Variants in KAZN observed in about 807,000 individuals in gnomAD.
The protein encoded by KAZN is kazrin, periplakin interacting protein, also known as kazrin.
Under a neutral mutation model 87.4 loss-of-function variants are expected in KAZN, and 40 were observed. That is an observed-to-expected ratio of 0.46 (90% CI 0.36 to 0.60). The LOEUF is 0.60. Ranked by LOEUF, KAZN falls within the 20% of genes least tolerant of loss-of-function variation. The probability of loss-of-function intolerance (pLI) is 0.00; values close to 1 mark genes in which losing one functional copy is unlikely to be tolerated. For missense variants in KAZN, 898 were observed against 1,073.9 expected (o/e 0.84, Z 2.29); for synonymous variants, 466 against 458.3 (o/e 1.02, Z -0.22).
rs565569575 is a variant in KAZN, at chr1:14,138,700, G to A, written c.92-41735G>A. Among the ~76,000 whole-genome samples the A allele has an allele frequency of 9.9e-5, 15 of 152,268 alleles. No individual in the cohort carries two copies. The South Asian group carries it at 2.7e-3, about 27-fold the overall frequency. ...CTCGTTTCTCAATAGCTCCCCCATC[G>A]CACCATCTCCATCCATGCCAGGTTG... On this transcript the variant is annotated intron_variant, in intron 1 of 16. Coordinates refer to the KAZN transcript ENST00000636203.
intron 1 of KAZN, among the ~76,000 whole-genome samples, chr1:14,601,589 A>G (rs947743669): frequency 4.6e-5 from 7 of 152,172 alleles, no homozygotes; most frequent in African/African-American, 1.4e-4. Context: ...AGAAGCCTTG[A>G]GTTCTCACAC....
chr1:14,310,577 G>A (rs949657086), intron 2 of KAZN, among the ~76,000 whole-genome samples: 12 of 152,260 alleles, frequency 7.9e-5, no homozygotes, highest in South Asian at 6.2e-4. Flanking sequence ...GTGGGCCGAC[G>A]TATGTACCAG....
At position 13,986,312 on chromosome 1, in the gene KAZN, T is replaced by C. The variant is rs532013253; in HGVS notation, c.91+92556T>C. Among the ~76,000 whole-genome samples the C allele has an allele frequency of 2.0e-4, 31 of 152,340 alleles. 2 individuals are homozygous for C. Among genetic ancestry groups the C allele is most frequent in the South Asian group, 1.9e-3 (9 of 4,824 alleles). Reference sequence around the variant, plus strand: ...TGTAGGAAATTTAATATGTTGTTTATTTTTGGTTTGATGAGATTGGGGTAA... The same window carrying C: ...TGTAGGAAATTTAATATGTTGTTTACTTTTGGTTTGATGAGATTGGGGTAA... On this transcript the variant is annotated intron_variant, in intron 1 of 16. Coordinates refer to the KAZN transcript ENST00000636203.
chr1:14,855,508 C>A (rs1261676212), intron 1 of KAZN, among the ~76,000 whole-genome samples: 4 of 152,178 alleles, frequency 2.6e-5, no homozygotes, highest in Admixed American at 2.6e-4. Flanking sequence ...CACAAGTGAC[C>A]AAATGTAGTC....
rs1467075312 is a variant in KAZN, at chr1:14,833,996, CACACACACACACAT to C, written c.227-126678_227-126665del. On this transcript the variant is annotated intron_variant, in intron 1 of 14. Coordinates refer to ENST00000376030, the MANE Select transcript of KAZN (RefSeq NM_201628.3). The stretch of plus-strand genomic sequence containing the variant: ...ACACACACACACACACACACACACA[CACACACACACACAT>C]ACACACACATACATACATATATATT... Among the ~76,000 whole-genome samples, 78 of 150,280 alleles carry C rather than the reference CACACACACACACAT, an allele frequency of 5.2e-4. 1 individual carries two copies. Among genetic ancestry groups the C allele is most frequent in the African/African-American group, 1.2e-3 (48 of 40,840 alleles).
chr1:14,321,551 A>G (rs1332509185), intron 2 of KAZN, among the ~76,000 whole-genome samples: 1 of 152,206 alleles, frequency 6.6e-6, no homozygotes, highest in Non-Finnish European at 1.5e-5. Context: ...TTTGCTGTTT[A>G]TAATTTTATC....
chr1:13,971,603 T>TTG lies in KAZN; in HGVS notation c.91+77848_91+77849insGT, dbSNP rs1553180009. 1.1e-4 allele frequency among the ~76,000 whole-genome samples: 15 copies of TTG among 133,768 alleles called. No homozygotes were observed. In the East Asian group the frequency reaches 3.6e-3, roughly 32 times the overall value. 87.8% of individuals were successfully genotyped at this position (133,768 alleles called of 152,430 possible). A position where few individuals can be genotyped will look rare whatever the true frequency, so the allele number is the denominator to read the frequency against. On this transcript the variant is annotated intron_variant, in intron 1 of 16. Transcript: ENST00000636203. ...ACTGAGTATCTTGTGAGGTTTTTTTTTTGTTGTTGTTGTTGTTGTTGTATC... is the reference window on the plus strand; with the variant it reads ...ACTGAGTATCTTGTGAGGTTTTTTTTTGTTGTTGTTGTTGTTGTTGTTGTATC...
At chr1:14,577,808 A>T (rs1373132169) in intron 2 of KAZN, among the ~76,000 whole-genome samples, 1 of 152,200 alleles carries the variant, frequency 6.6e-6, no homozygotes, top group Non-Finnish European at 1.5e-5. Context: ...ATTTCCTGAC[A>T]ACCCTAGGAG....
chr1:14,991,004 G>A (rs1343993052), intron 2 of KAZN, among the ~76,000 whole-genome samples: 1 of 151,690 alleles, frequency 6.6e-6, no homozygotes, highest in Non-Finnish European at 1.5e-5. Context: ...GAATGCTGGA[G>A]ATTGCCAGAA....
intron 2 of KAZN, among the ~76,000 whole-genome samples, chr1:14,505,066 G>A (rs551707480): frequency 6.6e-6 from 1 of 152,232 alleles, no homozygotes; most frequent in Non-Finnish European, 1.5e-5. Context: ...TCCCTTTTCT[G>A]CTTCTGTGTA....
At chr1:14,639,094 C>T (rs2148672058) in intron 1 of KAZN, among the ~76,000 whole-genome samples, 2 of 152,322 alleles carry the variant, frequency 1.3e-5, no homozygotes, top group Admixed American at 1.3e-4. Context: ...GTCTTTTCTT[C>T]CGTGCACCCT....
At chr1:14,249,455 C>T (rs1649810246) in intron 2 of KAZN, among the ~76,000 whole-genome samples, 1 of 152,158 alleles carries the variant, frequency 6.6e-6, no homozygotes, top group African/African-American at 2.4e-5. Flanking sequence ...CCCACAAAAT[C>T]AGGAAGTTCC....
chr1:14,678,418 C>T (rs977493783), intron 1 of KAZN, among the ~76,000 whole-genome samples: 5 of 152,226 alleles, frequency 3.3e-5, no homozygotes, highest in Non-Finnish European at 7.3e-5. Context: ...CCACAGACTG[C>T]AGGCTGCACT....
chr1:14,616,747 A>G (rs935193009), intron 1 of KAZN, among the ~76,000 whole-genome samples: 2 of 152,200 alleles, frequency 1.3e-5, no homozygotes, highest in African/African-American at 2.4e-5. Context: ...TGCCTTTTGC[A>G]TGAAATACGA....
At chr1:14,173,125 C>A (rs1645991414) in intron 1 of KAZN, among the ~76,000 whole-genome samples, 1 of 152,102 alleles carries the variant, frequency 6.6e-6, no homozygotes, top group Non-Finnish European at 1.5e-5. Flanking sequence ...CCTTATTTCT[C>A]AAGGGGAGGA....
intron 1 of KAZN, among the ~76,000 whole-genome samples, chr1:14,682,956 C>T (rs1640760560): frequency 6.6e-6 from 1 of 152,194 alleles, no homozygotes; most frequent in African/African-American, 2.4e-5. Context: ...TTTTCTTTTT[C>T]AAGAGCTTCA....
chr1:14,990,422 C>T (rs1572998175), intron 2 of KAZN, among the ~76,000 whole-genome samples: 3 of 152,140 alleles, frequency 2.0e-5, no homozygotes, highest in Non-Finnish European at 4.4e-5. Flanking sequence ...TGGGGTTTTT[C>T]CATGTTGCCC....
chr1:14,287,555 G>T (rs1024222198), intron 2 of KAZN, among the ~76,000 whole-genome samples: 6 of 152,172 alleles, frequency 3.9e-5, no homozygotes, highest in Non-Finnish European at 8.8e-5. Context: ...TGCTGAAGTT[G>T]CTTATCAGCT....
In KAZN at chr1:14,842,408, G is replaced by A. The variant is rs986093746; in HGVS notation, c.227-118276G>A. Among the ~76,000 whole-genome samples, 6 of 152,200 alleles carry A rather than the reference G, an allele frequency of 3.9e-5. No individual in the cohort carries two copies. The East Asian group carries it at 5.8e-4, about 15-fold the overall frequency. On this transcript the variant is annotated intron_variant, in intron 1 of 14. Coordinates refer to ENST00000376030, the MANE Select transcript of KAZN (RefSeq NM_201628.3). ...ACCCAGGAGAAAACCAAGGTAGCACGATGAGAAGACTGAGGGTCTTGCCTG... is the reference window on the plus strand; with the variant it reads ...ACCCAGGAGAAAACCAAGGTAGCACAATGAGAAGACTGAGGGTCTTGCCTG...
Sources: gnomAD v4.1 joint callset for allele counts (sites outside exome capture counted in the v4.1 genomes callset) on GRCh38, gnomAD v4.1.1 for gene constraint, MANE v1.5 for transcripts, NCBI Gene and HGNC (gene_info 2026-07-23, HGNC 2026-07-21) for gene names.